The following MSR1 variants were observed in gnomAD, a reference collection of about 807,000 sequenced individuals.
MSR1 encodes macrophage scavenger receptor 1, also known as macrophage scavenger receptor types I and II.
In MSR1, 53 loss-of-function variants were observed where a neutral mutation model predicts 47.2. That is an observed-to-expected ratio of 1.12 (90% CI 0.90 to 1.41). The LOEUF is 1.41. Ranked by LOEUF, MSR1 falls within the 40% of genes most tolerant of loss-of-function variation. MSR1 has a pLI of 0.00. For synonymous variants in MSR1, 239 were observed against 185.6 expected (o/e 1.29, Z -2.34); for missense variants, 786 against 546.9 (o/e 1.44, Z -4.36).
At chr8:16,175,166 C>T in intron 3 of MSR1, 21 bp downstream of exon 3, 2 of 1,603,170 alleles carry the variant, frequency 1.2e-6, no homozygotes, top group Non-Finnish European at 1.7e-6. Flanking sequence ...TACTAAATTT[C>T]AAAACTCTGG....
intron 5 of MSR1, among the ~76,000 whole-genome samples, chr8:16,155,668 G>A (rs530471577): frequency 3.0e-4 from 46 of 152,010 alleles, no homozygotes; most frequent in African/African-American, 1.1e-3. Context: ...AGATCGGCGT[G>A]AATGGTGATG....
In MSR1 at chr8:16,109,995, T is replaced by C; in HGVS notation, c.*90A>G. On this transcript the variant is annotated 3_prime_UTR_variant, in exon 10 of 10. Coordinates refer to ENST00000262101, the MANE Select transcript of MSR1 (RefSeq NM_138715.3). ...TATTTGGGCAATATTCTTAATCTCT[T>C]AAATATTGATTAAATGGATTTTACA... The C allele has an allele frequency of 6.7e-7, 1 of 1,493,234 alleles. No individual in the cohort carries two copies. The highest frequency in any genetic ancestry group is 9.3e-7 in the Non-Finnish European group (1 of 1,078,436). 92.5% of individuals were successfully genotyped at this position (1,493,234 alleles called of 1,614,324 possible).
chr8:16,191,573 G>A (rs1280924338), intron 1 of MSR1, among the ~76,000 whole-genome samples: 1 of 142,442 alleles, frequency 7.0e-6, no homozygotes, highest in East Asian at 2.0e-4. Flanking sequence ...ATCTTCATGA[G>A]GTACAAGTAG....
At chr8:16,126,567 G>A (rs540390921) in intron 8 of MSR1, among the ~76,000 whole-genome samples, 29 of 152,128 alleles carry the variant, frequency 1.9e-4, no homozygotes, top group Non-Finnish European at 3.5e-4. Flanking sequence ...TTACCTTAAT[G>A]AGATACTTAG....
chr8:16,161,030 A>C (rs1449402879), intron 5 of MSR1, among the ~76,000 whole-genome samples: 2 of 142,702 alleles, frequency 1.4e-5, no homozygotes, highest in Admixed American at 1.5e-4. Flanking sequence ...TTTCTTAAAT[A>C]GCATTTTTTT....
chr8:16,168,997 A>G, intron 3 of MSR1, 127 bp from the exon 4 acceptor site: 1 of 945,392 alleles, frequency 1.1e-6, no homozygotes, highest in Non-Finnish European at 1.6e-6. Flanking sequence ...TGCTAGGCTA[A>G]ATCGAGTATT....
intron 1 of MSR1, among the ~76,000 whole-genome samples, chr8:16,178,968 C>T (rs1391279400): frequency 2.0e-5 from 3 of 152,118 alleles, no homozygotes; most frequent in Admixed American, 6.6e-5. Flanking sequence ...ATTTGTATAT[C>T]TCTCATATAC....
intron 5 of MSR1, among the ~76,000 whole-genome samples, chr8:16,159,867 T>C (rs1040719624): frequency 2.6e-5 from 4 of 151,912 alleles, no homozygotes; most frequent in Non-Finnish European, 4.4e-5. Flanking sequence ...GCATCTTAGA[T>C]GGACTTTGAA....
At chr8:16,183,451 A>T (rs1801895548) in intron 1 of MSR1, among the ~76,000 whole-genome samples, 2 of 150,046 alleles carry the variant, frequency 1.3e-5, no homozygotes, top group Admixed American at 1.3e-4. Context: ...AATAAATAGA[A>T]TATGCTGAAT....
Position 16,168,750 on chromosome 8 carries a change from A to G in MSR1, c.338T>C (p.Val113Ala), listed in dbSNP as rs117359034. 3,469 of 1,614,066 alleles carry G rather than the reference A, an allele frequency of 2.1e-3. 5 individuals carry two copies. Among genetic ancestry groups the G allele is most frequent in the Non-Finnish European group, 2.8e-3 (3,275 of 1,179,988 alleles). The change falls in exon 4 of 10, where the codon GTC becomes GCC. Residue 113 changes from valine to alanine, a missense_variant. Coordinates refer to ENST00000262101, the MANE Select transcript of MSR1 (RefSeq NM_138715.3). ...DSEEEMRFQE[V>A]FMEHMSNMEK... ...CATGTTGCTCATGTGTTCCATAAAG[A>G]CTTCTTGAAATCTCATTTCCTCTTC...
At chr8:16,150,514 T>C (rs557266621) in intron 6 of MSR1, among the ~76,000 whole-genome samples, 1 of 152,142 alleles carries the variant, frequency 6.6e-6, no homozygotes, top group African/African-American at 2.4e-5. Context: ...TTCAGCACAT[T>C]GTAGCTATTC....
At position 16,109,698 on chromosome 8, in the gene MSR1, C is replaced by A. The variant is rs1799712362; in HGVS notation, c.*387G>T. ...CCGTTATTCAGAAAGTAATTAAAAT[C>A]AACTAAATAGATTACAAAGACAAGA... On this transcript the variant is annotated 3_prime_UTR_variant, in exon 10 of 10. Coordinates refer to ENST00000262101, the MANE Select transcript of MSR1 (RefSeq NM_138715.3). 1 of 204,980 alleles carries A rather than the reference C, an allele frequency of 4.9e-6. No homozygotes were observed. The allele number at this position is 204,980 out of a possible 1,614,324, so 12.7% of individuals were successfully genotyped here.
intron 1 of MSR1, among the ~76,000 whole-genome samples, chr8:16,184,404 G>T (rs1388632797): frequency 6.6e-6 from 1 of 151,922 alleles, no homozygotes; most frequent in African/African-American, 2.4e-5. Context: ...AAAGACAAAA[G>T]GAGAAAAAAA....
At chr8:16,114,476 TGG>T (rs1799831650) in intron 9 of MSR1, among the ~76,000 whole-genome samples, 1 of 152,060 alleles carries the variant, frequency 6.6e-6, no homozygotes, top group Non-Finnish European at 1.5e-5. Context: ...AACAAATTCT[TGG>T]AGGTACCACT....
intron 5 of MSR1, among the ~76,000 whole-genome samples, chr8:16,156,920 G>T (rs1389368965): frequency 6.6e-6 from 1 of 151,892 alleles, no homozygotes; most frequent in Non-Finnish European, 1.5e-5. Context: ...TGGAGTTATG[G>T]TAACTTCCAT....
At chr8:16,153,205 G>A (rs1166489868) in intron 6 of MSR1, among the ~76,000 whole-genome samples, 1 of 151,988 alleles carries the variant, frequency 6.6e-6, no homozygotes, top group Non-Finnish European at 1.5e-5. Context: ...AACCTGCTCA[G>A]ATTAGAAAGC....
chr8:16,135,652 T>A (rs1394110668), intron 8 of MSR1, among the ~76,000 whole-genome samples: 1 of 152,178 alleles, frequency 6.6e-6, no homozygotes, highest in East Asian at 1.9e-4. Context: ...CTTGTAAGGC[T>A]GTAACTGACA....
At chr8:16,189,083 T>C (rs1174566682) in intron 1 of MSR1, among the ~76,000 whole-genome samples, 13 of 146,136 alleles carry the variant, frequency 8.9e-5, no homozygotes, top group Admixed American at 6.9e-4. Flanking sequence ...ATATTTCATA[T>C]ATACGCAAAA....
At chr8:16,166,779 G>T (rs1329090553) in intron 4 of MSR1, among the ~76,000 whole-genome samples, 2 of 151,944 alleles carry the variant, frequency 1.3e-5, no homozygotes, top group Non-Finnish European at 1.5e-5. Flanking sequence ...TGTTATGCTG[G>T]TGTCACTTAT....
Sources: allele counts gnomAD v4.1 joint callset (sites outside exome capture counted in the v4.1 genomes callset), GRCh38; gene constraint gnomAD v4.1.1; transcripts MANE v1.5; gene names NCBI Gene and HGNC (gene_info 2026-07-23, HGNC 2026-07-21).